Variants in CPQ observed in about 807,000 individuals in gnomAD.
CPQ encodes carboxypeptidase Q.
Under a neutral mutation model 45.7 loss-of-function variants are expected in CPQ, and 37 were observed. The ratio of observed to expected loss-of-function variants is 0.81; its 90% CI spans 0.62 to 1.07. The LOEUF is 1.07. Among genes scored for constraint, CPQ ranks in the 50% least tolerant of loss-of-function variants. The pLI is 0.00. For missense variants in CPQ, 537 were observed against 572.9 expected, an observed-to-expected ratio of 0.94 and a Z score of 0.64; for synonymous variants, 186 against 205.8, an observed-to-expected ratio of 0.90 and a Z score of 0.82.
At chr8:96,686,982 A>AT (rs900446556) in intron 1 of CPQ, among the ~76,000 whole-genome samples, 6 of 151,514 alleles carry the variant, frequency 4.0e-5, no homozygotes, top group Non-Finnish European at 8.8e-5. Context: ...GAGTCTTTTA[A>AT]TTTTTTTTGT....
chr8:96,696,984 G>T (rs1347625828), intron 1 of CPQ, among the ~76,000 whole-genome samples: 1 of 152,128 alleles, frequency 6.6e-6, no homozygotes, highest in Non-Finnish European at 1.5e-5. Flanking sequence ...CCAAAAAATA[G>T]AGGAGGAAAG....
chr8:96,719,419 C>A (rs1403250910), intron 1 of CPQ, among the ~76,000 whole-genome samples: 2 of 152,232 alleles, frequency 1.3e-5, no homozygotes, highest in African/African-American at 4.8e-5. Flanking sequence ...GGAACTCCAG[C>A]TGTTCCGCAA....
chr8:96,942,652 C>A (rs1256230850), intron 4 of CPQ, among the ~76,000 whole-genome samples: 7 of 152,146 alleles, frequency 4.6e-5, no homozygotes, highest in Admixed American at 2.0e-4. Context: ...ATATACCATC[C>A]ATTATAATCA....
At chr8:97,031,758 A>G (rs565202896) in intron 6 of CPQ, among the ~76,000 whole-genome samples, 6 of 152,310 alleles carry the variant, frequency 3.9e-5, no homozygotes, top group South Asian at 2.1e-4. Flanking sequence ...CTGCCTCCAT[A>G]CAAATGTAGC....
chr8:96,835,235 GA>G, intron 3 of CPQ, 55 bp downstream of exon 3: 1 of 1,334,930 alleles, frequency 7.5e-7, no homozygotes, highest in South Asian at 1.9e-5. Context: ...TTCCGTGAAG[GA>G]AAAGTCCTTA....
At chr8:96,776,787 A>G (rs186174223) in intron 1 of CPQ, among the ~76,000 whole-genome samples, 1 of 152,294 alleles carries the variant, frequency 6.6e-6, no homozygotes, top group African/African-American at 2.4e-5. Flanking sequence ...TGTGAAGACA[A>G]TATATGAAAA....
At chr8:96,688,258 G>A (rs1809260739) in intron 1 of CPQ, among the ~76,000 whole-genome samples, 2 of 151,962 alleles carry the variant, frequency 1.3e-5, no homozygotes, top group Non-Finnish European at 2.9e-5. Flanking sequence ...TACCATGAAC[G>A]TTATTTTCTT....
chr8:97,004,944 CTATTT>C (rs1246489812), intron 5 of CPQ, among the ~76,000 whole-genome samples: 2 of 151,902 alleles, frequency 1.3e-5, no homozygotes, highest in Non-Finnish European at 2.9e-5. Context: ...GTGATTTATT[CTATTT>C]TAAGAGGGAA....
chr8:96,927,704 C>T (rs559022422), intron 4 of CPQ, among the ~76,000 whole-genome samples: 1 of 152,270 alleles, frequency 6.6e-6, no homozygotes, highest in East Asian at 1.9e-4. Context: ...GTCTCAGAGA[C>T]TCTCTCCTAG....
intron 4 of CPQ, among the ~76,000 whole-genome samples, chr8:96,882,882 T>C (rs1475262526): frequency 6.6e-6 from 1 of 152,348 alleles, no homozygotes; most frequent in East Asian, 1.9e-4. Context: ...TTATAATATA[T>C]AATATTTCCA....
intron 3 of CPQ, among the ~76,000 whole-genome samples, chr8:96,872,143 A>G (rs748425087): frequency 1.4e-4 from 21 of 151,990 alleles, no homozygotes; most frequent in Non-Finnish European, 2.5e-4. Context: ...GAATACTTAC[A>G]TGTACATAAT....
At chr8:96,930,694 G>A (rs1472422818) in intron 4 of CPQ, among the ~76,000 whole-genome samples, 1 of 152,144 alleles carries the variant, frequency 6.6e-6, no homozygotes, top group African/African-American at 2.4e-5. Flanking sequence ...TCCCTTCACA[G>A]GATCATACAG....
intron 1 of CPQ, chr8:96,761,445 T>C (rs1194878107): frequency 2.0e-5 from 3 of 152,364 alleles, no homozygotes; most frequent in African/African-American, 4.8e-5. Flanking sequence ...GCCTCCTCTG[T>C]AGGGTCTACA....
At chr8:97,058,374 A>G (rs968259986) in intron 6 of CPQ, among the ~76,000 whole-genome samples, 2 of 152,172 alleles carry the variant, frequency 1.3e-5, no homozygotes, top group African/African-American at 4.8e-5. Flanking sequence ...TTCCCAACCA[A>G]GAGAAGGACA....
At chr8:96,806,801 G>A (rs940417731) in intron 2 of CPQ, among the ~76,000 whole-genome samples, 2 of 152,088 alleles carry the variant, frequency 1.3e-5, no homozygotes, top group Admixed American at 6.6e-5. Context: ...GAATGAGATG[G>A]GGGAGATAAA....
intron 4 of CPQ, among the ~76,000 whole-genome samples, chr8:96,899,302 T>C (rs1812484453): frequency 1.3e-5 from 2 of 152,296 alleles, no homozygotes; most frequent in South Asian, 2.1e-4. Flanking sequence ...TTTTTGTATA[T>C]TATTTCACGT....
At chr8:96,645,459 C>CCT (rs1410190202) in intron 1 of CPQ, 57 bp downstream of exon 1, 1 of 152,600 alleles carries the variant, frequency 6.6e-6, no homozygotes, top group African/African-American at 2.4e-5. Flanking sequence ...GGCCTTGGCT[C>CCT]CTACCCGCGG....
At chr8:96,718,285 G>C (rs1186447360) in intron 1 of CPQ, among the ~76,000 whole-genome samples, 1 of 152,162 alleles carries the variant, frequency 6.6e-6, no homozygotes, top group African/African-American at 2.4e-5. Flanking sequence ...ATGAAGCCGC[G>C]GACCCTCACA....
rs71267276 is a variant in CPQ, at chr8:96,737,309, GATAT to G, written c.-34-47539_-34-47536del. Among the ~76,000 whole-genome samples the G allele has an allele frequency of 7.0e-4, 84 of 119,258 alleles. 1 individual carries two copies. The highest frequency in any genetic ancestry group is 5.7e-3 in the South Asian group (21 of 3,700). The allele number at this position is 119,258 out of a possible 152,430, so 78.2% of individuals were successfully genotyped here. A position where few individuals can be genotyped will look rare whatever the true frequency, so the allele number is the denominator to read the frequency against. Reference sequence around the variant, plus strand: ...ATATATACACATACAAAACTAATAGGATATATATATATATATATACACACACTCA... The same window carrying G: ...ATATATACACATACAAAACTAATAGGATATATATATATATACACACACTCA... On this transcript the variant is annotated intron_variant, in intron 1 of 7. Transcript: ENST00000220763.
Sources: allele counts gnomAD v4.1 joint callset (sites outside exome capture counted in the v4.1 genomes callset), GRCh38; gene constraint gnomAD v4.1.1; transcripts MANE v1.5; gene names NCBI Gene and HGNC (gene_info 2026-07-23, HGNC 2026-07-21).